The following GPR19 variants were observed in gnomAD, a reference collection of about 807,000 sequenced individuals.
The protein encoded by GPR19 is G protein-coupled receptor 19.
A neutral mutation model predicts 28.5 loss-of-function variants in GPR19; 14 were observed. The ratio of observed to expected loss-of-function variants is 0.49; its 90% CI spans 0.32 to 0.77. GPR19 has a LOEUF of 0.77. Ranked by LOEUF, GPR19 falls within the 30% of genes least tolerant of loss-of-function variation. GPR19 has a pLI of 0.03. For synonymous variants in GPR19, 173 were observed against 184.1 expected, an observed-to-expected ratio of 0.94 and a Z score of 0.49; for missense variants, 409 against 504.1, an observed-to-expected ratio of 0.81 and a Z score of 1.81.
chr12:12,663,504 A>G (rs1945713223), intron 3 of GPR19, among the ~76,000 whole-genome samples: 1 of 152,172 alleles, frequency 6.6e-6, no homozygotes, highest in African/African-American at 2.4e-5. Context: ...TAGATACAAA[A>G]GAATATTTTA....
intron 2 of GPR19, among the ~76,000 whole-genome samples, chr12:12,690,251 G>A (rs1211377650): frequency 1.3e-5 from 2 of 152,172 alleles, no homozygotes; most frequent in African/African-American, 2.4e-5. Context: ...TATCTGTAGC[G>A]AGTTAAATAA....
chr12:12,692,453 G>A (rs894039899), intron 2 of GPR19, among the ~76,000 whole-genome samples: 1 of 151,720 alleles, frequency 6.6e-6, no homozygotes, highest in Non-Finnish European at 1.5e-5. Context: ...GACCGGTCTT[G>A]AACTCCTGGG....
chr12:12,678,410 T>C (rs2099230592), intron 3 of GPR19, among the ~76,000 whole-genome samples: 1 of 152,246 alleles, frequency 6.6e-6, no homozygotes, highest in Admixed American at 6.5e-5. Flanking sequence ...GGTCCTGATA[T>C]GCCACAAGTA....
At chr12:12,692,564 CAGAA>C (rs760026636) in intron 2 of GPR19, among the ~76,000 whole-genome samples, 22 of 152,064 alleles carry the variant, frequency 1.4e-4, no homozygotes, top group Admixed American at 6.6e-5. Flanking sequence ...CAAAAAGAGG[CAGAA>C]AGAAAGACGG....
chr12:12,714,970 A>G, the GPR19 span: 1 of 152,148 alleles, frequency 6.6e-6, no homozygotes, highest in Non-Finnish European at 1.5e-5. Flanking sequence ...TTCGAGATCA[A>G]CAACAACAAA....
At position 12,660,919 on chromosome 12, in the gene GPR19, A is replaced by G; in HGVS notation, c.*282T>C. On this transcript the variant is annotated 3_prime_UTR_variant, in exon 4 of 4. Transcript: ENST00000651487. Reference sequence around the variant, plus strand: ...TGTATGGCTTAGGTTTATGTTTTTGAACCAACAGTAAATAGTAAGAAAGCA... The same window carrying G: ...TGTATGGCTTAGGTTTATGTTTTTGGACCAACAGTAAATAGTAAGAAAGCA... The G allele has an allele frequency of 3.6e-6, 1 of 277,750 alleles. No individual in the cohort carries two copies. The highest frequency in any genetic ancestry group is 6.7e-6 in the Non-Finnish European group (1 of 149,514). 17.2% of individuals were successfully genotyped at this position (277,750 alleles called of 1,614,324 possible).
In GPR19 at chr12:12,662,109, T is replaced by C. The variant is rs765753466; in HGVS notation, c.340A>G (p.Ile114Val). The C allele has an allele frequency of 6.2e-7, 1 of 1,612,528 alleles. No homozygotes were observed. Among genetic ancestry groups the C allele is most frequent in the South Asian group, 1.1e-5 (1 of 91,058 alleles). Residue 114 changes from isoleucine to valine, a missense_variant, in exon 4 of 4, where the codon ATC becomes GTC. By Grantham distance (29) the Ile-to-Val change is conservative. Transcript: ENST00000651487. ...ACGAAAGGCGTGCTGGCAACGCTGA[T>C]GAGAAGGTCAGCACATGCCATGGAG... is the stretch of plus-strand genomic sequence containing the variant. ...VVSMACADLL[I>V]SVASTPFVLL...
Position 12,661,115 on chromosome 12 carries a change from G to T in GPR19, c.*86C>A. On this transcript the variant is annotated 3_prime_UTR_variant, in exon 4 of 4. Coordinates refer to ENST00000651487, the MANE Select transcript of GPR19 (RefSeq NM_006143.3). This position sits in a 1 kb window ranked among gnomAD's most constrained non-coding sequence, Gnocchi z 4.2. The stretch of plus-strand genomic sequence containing the variant: ...AATAAAACATTTCCCTTGGAAAGTT[G>T]AGTGAAAACAAATATGTAAATAGCT... The T allele has an allele frequency of 1.1e-6, 1 of 905,366 alleles. No individual in the cohort carries two copies. The highest frequency in any genetic ancestry group is 1.6e-6 in the Non-Finnish European group (1 of 613,080). 56.1% of individuals were successfully genotyped at this position (905,366 alleles called of 1,614,324 possible).
chr12:12,706,708 T>TCA, the GPR19 span, among the ~76,000 whole-genome samples: 2 of 152,170 alleles, frequency 1.3e-5, no homozygotes, highest in Non-Finnish European at 2.9e-5. Flanking sequence ...GAACTCTTTC[T>TCA]CACACACACA....
At chr12:12,668,190 C>G (rs1445390567) in intron 3 of GPR19, among the ~76,000 whole-genome samples, 3 of 152,162 alleles carry the variant, frequency 2.0e-5, no homozygotes, top group Non-Finnish European at 4.4e-5. Flanking sequence ...TAGTGTTTAC[C>G]TAGCAATCTT....
chr12:12,697,110 C>A (rs1299238355), upstream of GPR19, among the ~76,000 whole-genome samples: 3 of 117,284 alleles, frequency 2.6e-5, no homozygotes, highest in African/African-American at 6.3e-5. Context: ...GAGCAAACCT[C>A]AAGCAAAACC....
the GPR19 span, among the ~76,000 whole-genome samples, chr12:12,702,718 C>A: frequency 7.2e-5 from 11 of 152,312 alleles, no homozygotes; most frequent in African/African-American, 2.4e-4. Flanking sequence ...ATCATAGTCA[C>A]ATTTAAAGTC....
chr12:12,663,163 C>T (rs10492239), intron 3 of GPR19, among the ~76,000 whole-genome samples: 83,707 of 151,988 alleles, frequency 0.55, 24,665 homozygotes, highest in East Asian at 0.77. Flanking sequence ...TGCCACCTAC[C>T]AGTGACATAT....
the GPR19 span, chr12:12,703,376 G>GC: frequency 1.0e-6 from 1 of 985,374 alleles, no homozygotes; most frequent in Non-Finnish European, 1.2e-6. Flanking sequence ...ATGCGTGAGT[G>GC]CGTGTTCGTG....
intron 3 of GPR19, among the ~76,000 whole-genome samples, chr12:12,675,754 G>C (rs538656006): frequency 1.4e-4 from 22 of 152,080 alleles, no homozygotes; most frequent in Non-Finnish European, 2.9e-4. Flanking sequence ...AAGGAAATAG[G>C]ATCTTAGTCT....
At chr12:12,717,167 G>A in the GPR19 span, 1 of 1,037,818 alleles carries the variant, frequency 9.6e-7, no homozygotes. Context: ...GTTGGCAGCA[G>A]TACCCCTCCA....
chr12:12,710,709 A>T, the GPR19 span, among the ~76,000 whole-genome samples: 3 of 152,170 alleles, frequency 2.0e-5, no homozygotes, highest in African/African-American at 7.2e-5. Context: ...GCTGTTTTTT[A>T]AAAAATTTTT....
At chr12:12,687,929 A>G (rs529897671) in intron 2 of GPR19, among the ~76,000 whole-genome samples, 2 of 152,322 alleles carry the variant, frequency 1.3e-5, no homozygotes, top group South Asian at 4.1e-4. Flanking sequence ...CTGCACTCTA[A>G]TCTGGGAGAC....
At chr12:12,712,413 C>T in the GPR19 span, among the ~76,000 whole-genome samples, 8 of 152,224 alleles carry the variant, frequency 5.3e-5, no homozygotes, top group African/African-American at 1.7e-4. Context: ...CAAGTTTGGA[C>T]GCTGATCATT....
Sources: allele counts gnomAD v4.1 joint callset (sites outside exome capture counted in the v4.1 genomes callset), GRCh38; gene constraint gnomAD v4.1.1; non-coding constraint Gnocchi (gnomAD v3.1); transcripts MANE v1.5; gene names NCBI Gene and HGNC (gene_info 2026-07-23, HGNC 2026-07-21).